EVI5: variants seen among roughly 807,000 people sequenced by gnomAD.
The protein encoded by EVI5 is ecotropic viral integration site 5.
A neutral mutation model predicts 112.0 loss-of-function variants in EVI5; 73 were observed. That is an observed-to-expected ratio of 0.65 (90% CI 0.54 to 0.79). EVI5 has a LOEUF of 0.79. EVI5 is among the 30% of genes least tolerant of loss of function. The pLI is 0.00. For missense variants in EVI5, 900 were observed against 968.8 expected (o/e 0.93, Z 0.94); for synonymous variants, 305 against 319.9 (o/e 0.95, Z 0.50).
chr1:92,570,858 T>C (rs145235381), intron 18 of EVI5, among the ~76,000 whole-genome samples: 10 of 152,230 alleles, frequency 6.6e-5, no homozygotes, highest in East Asian at 1.9e-4. Flanking sequence ...GGAGGAAAGA[T>C]AGCATTTGAT....
At chr1:92,781,316 G>A (rs2103102595) in intron 1 of EVI5, among the ~76,000 whole-genome samples, 1 of 151,940 alleles carries the variant, frequency 6.6e-6, no homozygotes, top group South Asian at 2.1e-4. Flanking sequence ...AGACCAGCCT[G>A]GGTAATATGT....
intron 13 of EVI5, among the ~76,000 whole-genome samples, 190 bp from the exon 14 acceptor site, chr1:92,636,526 A>T (rs947310770): frequency 2.0e-5 from 3 of 152,240 alleles, no homozygotes; most frequent in East Asian, 3.8e-4. Context: ...CCCACCTTTG[A>T]TATCTATAAA....
At chr1:92,560,006 G>T (rs1284824652) in intron 19 of EVI5, among the ~76,000 whole-genome samples, 1 of 152,082 alleles carries the variant, frequency 6.6e-6, no homozygotes, top group Non-Finnish European at 1.5e-5. Flanking sequence ...GTCACAGAAT[G>T]GCTAAAATAA....
intron 2 of EVI5, among the ~76,000 whole-genome samples, chr1:92,706,636 A>T (rs1672015559): frequency 6.6e-6 from 1 of 152,230 alleles, no homozygotes; most frequent in South Asian, 2.1e-4. Flanking sequence ...AGTTATTAAT[A>T]CAACTTCTAG....
chr1:92,710,269 G>A (rs1422499116), intron 2 of EVI5, among the ~76,000 whole-genome samples: 2 of 151,718 alleles, frequency 1.3e-5, no homozygotes, highest in African/African-American at 4.8e-5. Context: ...CCTGAGCCCC[G>A]GAAGTTGAGA....
At chr1:92,544,144 T>C (rs553595875) in intron 19 of EVI5, among the ~76,000 whole-genome samples, 1 of 152,206 alleles carries the variant, frequency 6.6e-6, no homozygotes, top group South Asian at 2.1e-4. Flanking sequence ...AGACAGAAAG[T>C]AGATTAGTGG....
intron 11 of EVI5, among the ~76,000 whole-genome samples, chr1:92,665,047 A>C (rs1023418962): frequency 5.3e-5 from 8 of 152,288 alleles, no homozygotes; most frequent in Non-Finnish European, 1.0e-4. Context: ...TCTACCAAAA[A>C]TACAAAAATT....
At chr1:92,781,954 CAAAAAAAAAA>C (rs36036236) in intron 1 of EVI5, among the ~76,000 whole-genome samples, 1 of 47,048 alleles carries the variant, frequency 2.1e-5, no homozygotes, top group Non-Finnish European at 3.5e-5. Context: ...GATTCTGTCT[CAAAAAAAAAA>C]AAAAAAAAAA....
intron 16 of EVI5, among the ~76,000 whole-genome samples, chr1:92,623,218 G>A (rs1346717757): frequency 1.3e-5 from 2 of 152,042 alleles, no homozygotes; most frequent in African/African-American, 4.8e-5. Context: ...AAAATAACGT[G>A]TGGAAAGTAT....
At chr1:92,529,729 A>C (rs1662522881) in intron 19 of EVI5, among the ~76,000 whole-genome samples, 1 of 152,156 alleles carries the variant, frequency 6.6e-6, no homozygotes. Context: ...ATAAAAACAA[A>C]CAAGAAACCT....
At chr1:92,721,488 G>A (rs191400356) in intron 2 of EVI5, among the ~76,000 whole-genome samples, 1 of 152,188 alleles carries the variant, frequency 6.6e-6, no homozygotes, top group East Asian at 1.9e-4. Context: ...GAAAACACTT[G>A]GACACAGGGA....
chr1:92,677,807 T>G (rs1666983649), intron 9 of EVI5, among the ~76,000 whole-genome samples: 1 of 152,170 alleles, frequency 6.6e-6, no homozygotes, highest in Non-Finnish European at 1.5e-5. Context: ...ATTTAGTAAG[T>G]GTTAAAGGAA....
rs1685306712 is a variant in EVI5 at position 92,784,334 on chromosome 1, C to A, written c.-82+502G>T. On this transcript the variant is annotated intron_variant, in intron 1 of 19. Coordinates refer to ENST00000684568, the MANE Select transcript of EVI5 (RefSeq NM_001350197.2). ...AATGGCTACAAACTCTTCTCAAGTT[C>A]ATTCTGGACCTGGCACATCTGTCTT... The A allele has an allele frequency of 6.1e-6, 6 of 985,268 alleles. No individual in the cohort carries two copies. The South Asian group carries it at 2.8e-4, about 46-fold the overall frequency. 61.0% of individuals were successfully genotyped at this position (985,268 alleles called of 1,614,324 possible). A position where few individuals can be genotyped will look rare whatever the true frequency, so the allele number is the denominator to read the frequency against.
chr1:92,539,713 C>T (rs970175131), intron 19 of EVI5, among the ~76,000 whole-genome samples: 1 of 152,140 alleles, frequency 6.6e-6, no homozygotes, highest in Non-Finnish European at 1.5e-5. Context: ...TGAGATATAA[C>T]TTGCCTTCCA....
intron 14 of EVI5, among the ~76,000 whole-genome samples, chr1:92,635,500 G>A (rs955729005): frequency 2.0e-5 from 3 of 152,170 alleles, no homozygotes; most frequent in Non-Finnish European, 4.4e-5. Context: ...ATAACCTCCT[G>A]GTGTGCTGTT....
intron 13 of EVI5, among the ~76,000 whole-genome samples, chr1:92,645,724 C>T (rs1572084841): frequency 1.3e-5 from 2 of 152,044 alleles, no homozygotes; most frequent in African/African-American, 2.4e-5. Flanking sequence ...TGGGTAATAG[C>T]CCCCATATTC....
intron 2 of EVI5, among the ~76,000 whole-genome samples, chr1:92,735,717 TTA>T (rs1191899632): frequency 1.4e-5 from 2 of 141,698 alleles, no homozygotes; most frequent in African/African-American, 5.2e-5. Context: ...CAATATTATA[TTA>T]TATATAATAT....
chr1:92,784,235 A>C (rs1344846281), intron 1 of EVI5: 11 of 901,474 alleles, frequency 1.2e-5, no homozygotes, highest in South Asian at 5.1e-5. Context: ...GGAAACACCA[A>C]CACCACAATC....
At chr1:92,719,200 C>G (rs1167917923) in intron 2 of EVI5, among the ~76,000 whole-genome samples, 1 of 151,712 alleles carries the variant, frequency 6.6e-6, no homozygotes, top group Middle Eastern at 3.2e-3. Context: ...TTTTCTGAGG[C>G]CAGCATCATC....
Sources: allele counts gnomAD v4.1 joint callset (sites outside exome capture counted in the v4.1 genomes callset), GRCh38; gene constraint gnomAD v4.1.1; transcripts MANE v1.5; gene names NCBI Gene and HGNC (gene_info 2026-07-23, HGNC 2026-07-21).